ATP2B4: variants seen among roughly 807,000 people sequenced by gnomAD.
ATP2B4 encodes the protein plasma membrane calcium-transporting ATPase 4.
Under a neutral mutation model 110.3 loss-of-function variants are expected in ATP2B4, and 39 were observed. That is an observed-to-expected ratio of 0.35 (90% CI 0.27 to 0.46). The LOEUF (loss-of-function observed/expected upper bound fraction) is 0.46, where lower values mean the gene tolerates loss of function less well. Ranked by LOEUF, ATP2B4 falls within the 20% of genes least tolerant of loss-of-function variation. The pLI is 1.00. For missense variants in ATP2B4, 1,135 were observed against 1,530.9 expected (o/e 0.74, Z 4.32); for synonymous variants, 538 against 571.7 (o/e 0.94, Z 0.84).
chr1:203,703,674 C>T lies in ATP2B4; in HGVS notation c.960C>T (p.Ala320=). The T allele has an allele frequency of 6.2e-7, 1 of 1,614,016 alleles. No individual in the cohort carries two copies. Among genetic ancestry groups the T allele is most frequent in the South Asian group, 1.1e-5 (1 of 91,070 alleles). ...CAGCAAAGACCCAAGACGGAGTGGCCCTGGAAATCCAGCCACTCAACAGCC... is the reference window on the plus strand; with the variant it reads ...CAGCAAAGACCCAAGACGGAGTGGCTCTGGAAATCCAGCCACTCAACAGCC... The part of the protein sequence containing the change: ...RNKAKTQDGV[A]LEIQPLNSQE... The change falls in exon 8 of 21, where the codon GCC becomes GCT. Residue 320 remains alanine (A), a synonymous_variant. Coordinates refer to ENST00000357681, the MANE Select transcript of ATP2B4 (RefSeq NM_001684.5).
chr1:203,662,623 G>A (rs536387457), intron 1 of ATP2B4, among the ~76,000 whole-genome samples: 5 of 152,176 alleles, frequency 3.3e-5, no homozygotes, highest in Non-Finnish European at 7.3e-5. Flanking sequence ...AGGTTCATCC[G>A]TGTGGCAGCA....
intron 1 of ATP2B4, among the ~76,000 whole-genome samples, chr1:203,675,154 G>A (rs1256683821): frequency 1.3e-5 from 2 of 152,152 alleles, no homozygotes; most frequent in East Asian, 1.9e-4. Context: ...CTTCATCTTG[G>A]TGGTTCTTAA....
intron 2 of ATP2B4, among the ~76,000 whole-genome samples, chr1:203,697,150 A>G (rs1458997904): frequency 1.3e-5 from 2 of 152,144 alleles, no homozygotes; most frequent in African/African-American, 2.4e-5. Context: ...ACATGCATAC[A>G]CCTAGGCACA....
intron 1 of ATP2B4, among the ~76,000 whole-genome samples, chr1:203,634,860 C>T (rs1380897972): frequency 6.6e-6 from 1 of 152,024 alleles, no homozygotes; most frequent in Non-Finnish European, 1.5e-5. Flanking sequence ...GACGGGGTTT[C>T]ACCGTGTTGT....
Position 203,721,191 on chromosome 1 carries a change from CG to C in ATP2B4, c.2599-5del. The C allele has an allele frequency of 1.9e-6, 3 of 1,613,838 alleles. No homozygotes were observed. The highest frequency in any genetic ancestry group is 2.5e-6 in the Non-Finnish European group (3 of 1,179,778). On this transcript the variant is annotated splice_region_variant and splice_polypyrimidine_tract_variant and intron_variant, in intron 16 of 20. Transcript: ENST00000357681. ...AGCTAAAAGGACTGGTTCTTCTCCC[CG>C]CCAGGATTCCCCATTGAAAGCTGTG...
intron 1 of ATP2B4, among the ~76,000 whole-genome samples, chr1:203,644,873 C>A (rs970921170): frequency 6.6e-6 from 1 of 152,180 alleles, no homozygotes; most frequent in African/African-American, 2.4e-5. Context: ...ATGCTGGGAG[C>A]TTGTGCGGCT....
chr1:203,734,685 T>G (rs35992694), intron 20 of ATP2B4, among the ~76,000 whole-genome samples: 80,323 of 143,210 alleles, frequency 0.56, 22,502 homozygotes, highest in Admixed American at 0.68. Flanking sequence ...CAACCTGGGC[T>G]ACAGAGTGAG....
At chr1:203,687,930 C>G (rs1205636527) in intron 2 of ATP2B4, among the ~76,000 whole-genome samples, 2 of 151,904 alleles carry the variant, frequency 1.3e-5, no homozygotes, top group Non-Finnish European at 2.9e-5. Context: ...CCATCCCATT[C>G]TACCTGGTGG....
intron 2 of ATP2B4, among the ~76,000 whole-genome samples, chr1:203,686,254 T>A (rs2102365848): frequency 6.6e-6 from 1 of 152,300 alleles, no homozygotes; most frequent in South Asian, 2.1e-4. Context: ...ATCTTTCTTT[T>A]TCCCTTCCTA....
At chr1:203,662,291 G>A (rs1011753518) in intron 1 of ATP2B4, among the ~76,000 whole-genome samples, 1 of 152,184 alleles carries the variant, frequency 6.6e-6, no homozygotes, top group Admixed American at 6.5e-5. Flanking sequence ...CTCCCAAAGT[G>A]TTGGGATTAC....
At chr1:203,680,360 A>G (rs1304316805) in intron 1 of ATP2B4, among the ~76,000 whole-genome samples, 2 of 152,264 alleles carry the variant, frequency 1.3e-5, no homozygotes, top group East Asian at 3.9e-4. Flanking sequence ...CCTGAATCCC[A>G]GCACTTTGGG....
chr1:203,671,040 A>G (rs1664645793), intron 1 of ATP2B4, among the ~76,000 whole-genome samples: 1 of 152,228 alleles, frequency 6.6e-6, no homozygotes, highest in Non-Finnish European at 1.5e-5. Context: ...GTTGGCAGTA[A>G]GAGGTTTTTA....
intron 1 of ATP2B4, among the ~76,000 whole-genome samples, chr1:203,639,780 G>A (rs1054568397): frequency 5.3e-5 from 8 of 152,170 alleles, no homozygotes; most frequent in Non-Finnish European, 8.8e-5. Context: ...GCTTATATCC[G>A]GAGCCTCTGC....
At chr1:203,707,591 C>T (rs1665886872) in intron 9 of ATP2B4, among the ~76,000 whole-genome samples, 1 of 152,132 alleles carries the variant, frequency 6.6e-6, no homozygotes, top group African/African-American at 2.4e-5. Context: ...CCACCATGCC[C>T]AGTTACTTTT....
rs35552196 is a variant in ATP2B4, at chr1:203,735,002, C to CAAAAAAA, written c.3310-4527_3310-4521dup. ...TGGGTGACAGAGACAGACTCCATCT[C>CAAAAAAA]AAAAAAAAAAAAAAAAAAAAAAACG... On this transcript the variant is annotated intron_variant, in intron 20 of 20. Transcript: ENST00000357681. Among the ~76,000 whole-genome samples the CAAAAAAA allele has an allele frequency of 6.5e-3, 370 of 57,086 alleles. 15 individuals carry two copies. The highest frequency in any genetic ancestry group is 8.9e-3 in the Non-Finnish European group (299 of 33,648). The allele number at this position is 57,086 out of a possible 152,430, so 37.5% of individuals were successfully genotyped here.
intron 7 of ATP2B4, 105 bp downstream of exon 7, chr1:203,702,184 CT>C: frequency 7.0e-7 from 1 of 1,438,844 alleles, no homozygotes; most frequent in Non-Finnish European, 9.6e-7. Context: ...AATCTGTTAT[CT>C]GCTGCTGTGG....
chr1:203,693,483 CA>C (rs903859088), intron 2 of ATP2B4, among the ~76,000 whole-genome samples: 3 of 150,848 alleles, frequency 2.0e-5, no homozygotes, highest in African/African-American at 7.3e-5. Flanking sequence ...TAGAAAATGG[CA>C]AAAAAAAGAA....
intron 1 of ATP2B4, among the ~76,000 whole-genome samples, 193 bp from the exon 2 acceptor site, chr1:203,682,549 G>A (rs548782029): frequency 6.6e-6 from 1 of 151,612 alleles, no homozygotes; most frequent in Non-Finnish European, 1.5e-5. Context: ...CAGGCTGCAG[G>A]GGCCTCCCAG....
intron 8 of ATP2B4, among the ~76,000 whole-genome samples, chr1:203,705,542 T>C (rs982399464): frequency 6.6e-6 from 1 of 152,198 alleles, no homozygotes; most frequent in Non-Finnish European, 1.5e-5. Flanking sequence ...TGCATCACCA[T>C]GCCTGGCTAA....
Sources: gnomAD v4.1 joint callset for allele counts (sites outside exome capture counted in the v4.1 genomes callset) on GRCh38, gnomAD v4.1.1 for gene constraint, MANE v1.5 for transcripts, NCBI Gene and HGNC (gene_info 2026-07-23, HGNC 2026-07-21) for gene names.